Variants in CDK5RAP2 observed in about 807,000 individuals in gnomAD.
CDK5RAP2 encodes CDK5 regulatory subunit associated protein 2.
Under a neutral mutation model 232.9 loss-of-function variants are expected in CDK5RAP2, and 147 were observed. The ratio of observed to expected loss-of-function variants is 0.63; its 90% CI spans 0.55 to 0.72. The LOEUF (loss-of-function observed/expected upper bound fraction) is 0.72. Ranked by LOEUF, CDK5RAP2 falls within the 30% of genes least tolerant of loss-of-function variation. The pLI, the probability that CDK5RAP2 is intolerant of heterozygous loss-of-function variation, is 0.00. For missense variants in CDK5RAP2, 2,195 were observed against 2,231.5 expected (o/e 0.98, Z 0.33); for synonymous variants, 833 against 833.7 (o/e 1.00, Z 0.01).
intron 15 of CDK5RAP2, among the ~76,000 whole-genome samples, chr9:120,473,778 G>A (rs573145771): frequency 6.6e-6 from 1 of 152,350 alleles, no homozygotes; most frequent in East Asian, 1.9e-4. Flanking sequence ...GAGAAAAAAA[G>A]AGACTGTTTT....
Position 120,536,536 on chromosome 9 carries a change from A to T in CDK5RAP2, c.508-10T>A. On this transcript the variant is annotated splice_polypyrimidine_tract_variant and intron_variant, in intron 6 of 37. Transcript: ENST00000349780. ...GGGCGGCTGTCACATCCTAGAGTCAAATTAAATGCATTTGATGCAATTTTT... is the reference window on the plus strand; with the variant it reads ...GGGCGGCTGTCACATCCTAGAGTCATATTAAATGCATTTGATGCAATTTTT... 1 of 1,613,544 alleles carries T rather than the reference A, an allele frequency of 6.2e-7. No homozygotes were observed. The highest frequency in any genetic ancestry group is 8.5e-7 in the Non-Finnish European group (1 of 1,179,714).
rs1032061218 is a variant in CDK5RAP2, at chr9:120,563,506, A to T, written c.195+4815T>A. The stretch of plus-strand genomic sequence containing the variant: ...TGGATTAGAGCAGACAGACATCAGC[A>T]TTCATTGAGTACCCTCTATGCACCA... On this transcript the variant is annotated intron_variant, in intron 3 of 37. Coordinates refer to ENST00000349780, the MANE Select transcript of CDK5RAP2 (RefSeq NM_018249.6). Among the ~76,000 whole-genome samples, 6 of 152,350 alleles carry T rather than the reference A, an allele frequency of 3.9e-5. No individual in the cohort carries two copies. The South Asian group carries it at 6.2e-4, about 16-fold the overall frequency.
intron 12 of CDK5RAP2, among the ~76,000 whole-genome samples, chr9:120,510,178 G>A (rs2040013679): frequency 6.6e-6 from 1 of 152,130 alleles, no homozygotes; most frequent in Non-Finnish European, 1.5e-5. Context: ...TGAGAACTGG[G>A]AGGTTCAGGC....
At chr9:120,516,466 T>G (rs1420409305) in intron 12 of CDK5RAP2, among the ~76,000 whole-genome samples, 3 of 151,886 alleles carry the variant, frequency 2.0e-5, no homozygotes, top group Admixed American at 2.0e-4. Flanking sequence ...TGTATACATA[T>G]GTAACAAACC....
At chr9:120,579,895 AC>A in intron 1 of CDK5RAP2, 24 bp downstream of exon 1, 1 of 1,602,992 alleles carries the variant, frequency 6.2e-7, no homozygotes, top group Non-Finnish European at 8.5e-7. Context: ...CCCGGTTACC[AC>A]GACCACCAAT....
intron 27 of CDK5RAP2, among the ~76,000 whole-genome samples, chr9:120,417,131 CTT>C (rs1242291079): frequency 1.3e-5 from 2 of 151,884 alleles, no homozygotes; most frequent in Non-Finnish European, 2.9e-5. Context: ...CTCCCCGCTC[CTT>C]AAACTGCTGG....
chr9:120,530,087 C>A lies in CDK5RAP2; in HGVS notation c.716G>T (p.Cys239Phe). The change falls in exon 8 of 38, where the codon TGC (cysteine) becomes TTC (phenylalanine). Residue 239 changes from cysteine (C) to phenylalanine (F), a missense_variant. By Grantham distance (205) the Cys-to-Phe change is radical. Transcript: ENST00000349780. Reference protein sequence around the residue: ...SLKSKEALIQCLKEEKSQMAC... With the variant: ...SLKSKEALIQFLKEEKSQMAC... ...CATCTGAGATTTCTCCTCTTTAAGGCACTGAATTAAAGCTTCTTTGCTCTT... is the reference window on the plus strand; with the variant it reads ...CATCTGAGATTTCTCCTCTTTAAGGAACTGAATTAAAGCTTCTTTGCTCTT... 1 of 1,613,940 alleles carries A rather than the reference C, an allele frequency of 6.2e-7. No individual in the cohort carries two copies. The highest frequency in any genetic ancestry group is 8.5e-7 in the Non-Finnish European group (1 of 1,179,878).
At chr9:120,406,735 G>T (rs2033468658) in intron 32 of CDK5RAP2, 1 of 516,852 alleles carries the variant, frequency 1.9e-6, no homozygotes. Context: ...AGGACTAAAT[G>T]GATAGGAGGG....
At chr9:120,446,291 G>T (rs1339742303) in intron 22 of CDK5RAP2, among the ~76,000 whole-genome samples, 1 of 151,736 alleles carries the variant, frequency 6.6e-6, no homozygotes, top group East Asian at 1.9e-4. Context: ...TTTCGCTCTT[G>T]TGTCTGCTCA....
intron 18 of CDK5RAP2, among the ~76,000 whole-genome samples, chr9:120,461,425 A>G (rs1204631204): frequency 2.6e-5 from 4 of 152,258 alleles, no homozygotes; most frequent in African/African-American, 9.6e-5. Flanking sequence ...GCAAAAGCAA[A>G]AATTCTAGTC....
In CDK5RAP2 at chr9:120,422,702, A is replaced by G. The variant is rs774947569; in HGVS notation, c.3995T>C (p.Leu1332Pro). 2 of 1,612,240 alleles carry G rather than the reference A, an allele frequency of 1.2e-6. No homozygotes were observed. Among genetic ancestry groups the G allele is most frequent in the Admixed American group, 3.3e-5 (2 of 60,030 alleles). The change falls in exon 26 of 38, where the codon CTG becomes CCG. Residue 1332 changes from leucine (L) to proline (P), a missense_variant. By Grantham distance (98) the Leu-to-Pro change is moderately conservative. Coordinates refer to ENST00000349780, the MANE Select transcript of CDK5RAP2 (RefSeq NM_018249.6). ...AATGTTACACACTCACCTCTCCATC[A>G]GTTCATTCTGGGTGTTCATTTCCAC... ...VGVEMNTQNE[L>P]MERIEEDNLT...
intron 12 of CDK5RAP2, among the ~76,000 whole-genome samples, chr9:120,503,184 T>C (rs2039655725): frequency 6.6e-6 from 1 of 152,214 alleles, no homozygotes; most frequent in Non-Finnish European, 1.5e-5. Context: ...TAGCCAATAA[T>C]TTCAATACCT....
chr9:120,429,834 G>C (rs2035165902), intron 25 of CDK5RAP2, among the ~76,000 whole-genome samples: 1 of 152,132 alleles, frequency 6.6e-6, no homozygotes, highest in African/African-American at 2.4e-5. Flanking sequence ...AAAGCTGGAG[G>C]CATCACACTA....
intron 25 of CDK5RAP2, among the ~76,000 whole-genome samples, chr9:120,432,287 C>T (rs1407410387): frequency 2.0e-5 from 3 of 152,108 alleles, no homozygotes; most frequent in South Asian, 4.2e-4. Flanking sequence ...CAAACAGTCC[C>T]ATTTCCATAA....
At chr9:120,422,768 G>C (rs780024770) in intron 25 of CDK5RAP2, 27 bp from the exon 26 acceptor site, 2 of 1,595,156 alleles carry the variant, frequency 1.3e-6, no homozygotes, top group East Asian at 4.5e-5. Context: ...CATCAAGAAA[G>C]GAGGAGAAAA....
intron 36 of CDK5RAP2, among the ~76,000 whole-genome samples, chr9:120,393,283 G>A (rs770112845): frequency 3.9e-5 from 6 of 152,110 alleles, no homozygotes; most frequent in African/African-American, 1.2e-4. Flanking sequence ...AGACTGTCTC[G>A]TTCATCTCTG....
At chr9:120,422,267 T>G (rs1168074923) in intron 26 of CDK5RAP2, among the ~76,000 whole-genome samples, 1 of 152,090 alleles carries the variant, frequency 6.6e-6, no homozygotes, top group East Asian at 1.9e-4. Context: ...ACAGCTATGG[T>G]GTGGAGAATA....
intron 18 of CDK5RAP2, among the ~76,000 whole-genome samples, chr9:120,460,988 C>T (rs1014013135): frequency 4.6e-5 from 7 of 152,236 alleles, no homozygotes; most frequent in African/African-American, 1.7e-4. Context: ...TATTATGCCA[C>T]TGCCACTCCT....
At chr9:120,545,074 G>A (rs913128212) in intron 5 of CDK5RAP2, among the ~76,000 whole-genome samples, 9 of 151,992 alleles carry the variant, frequency 5.9e-5, no homozygotes, top group Admixed American at 3.9e-4. Context: ...TTTTAAGGAG[G>A]AGAACCTCTC....
Sources: gnomAD v4.1 joint callset for allele counts (sites outside exome capture counted in the v4.1 genomes callset) on GRCh38, gnomAD v4.1.1 for gene constraint, MANE v1.5 for transcripts, NCBI Gene and HGNC (gene_info 2026-07-23, HGNC 2026-07-21) for gene names.